Variants in PAK2 observed in about 807,000 individuals in gnomAD.
PAK2 encodes the protein p21 (RAC1) activated kinase 2.
PAK2 carries 21 observed loss-of-function variants against 65.9 expected under a neutral mutation model. The ratio of observed to expected loss-of-function variants is 0.32; its 90% CI spans 0.23 to 0.46. The LOEUF (loss-of-function observed/expected upper bound fraction) is 0.46, where lower values mean the gene tolerates loss of function less well. PAK2 is among the 20% of genes least tolerant of loss of function. The pLI, the probability that PAK2 is intolerant of heterozygous loss-of-function variation, is 1.00. For missense variants in PAK2, 324 were observed against 642.6 expected (o/e 0.50, Z 5.36); for synonymous variants, 204 against 219.7 (o/e 0.93, Z 0.63).
intron 1 of PAK2, among the ~76,000 whole-genome samples, chr3:196,757,472 T>A (rs566898576): frequency 6.6e-6 from 1 of 152,202 alleles, no homozygotes; most frequent in Non-Finnish European, 1.5e-5. Context: ...TGTGAAAATA[T>A]CAAAAGCAGG....
chr3:196,795,285 A>T (rs1452587496), intron 2 of PAK2, among the ~76,000 whole-genome samples: 1 of 135,330 alleles, frequency 7.4e-6, no homozygotes, highest in Non-Finnish European at 1.6e-5. Context: ...GCAAAATCCC[A>T]TCTCTACAAA....
At chr3:196,752,870 G>T (rs1713650885) in intron 1 of PAK2, among the ~76,000 whole-genome samples, 1 of 152,126 alleles carries the variant, frequency 6.6e-6, no homozygotes, top group African/African-American at 2.4e-5. Flanking sequence ...GGTAGTAAAA[G>T]CATGAGCCAC....
intron 2 of PAK2, chr3:196,785,150 A>G (rs1158223964): frequency 1.3e-5 from 2 of 152,184 alleles, no homozygotes; most frequent in African/African-American, 2.4e-5. Context: ...AAACCAATGC[A>G]TTGGTGGGTT....
chr3:196,793,819 A>G (rs961048065), intron 2 of PAK2, among the ~76,000 whole-genome samples: 1 of 152,210 alleles, frequency 6.6e-6, no homozygotes, highest in Non-Finnish European at 1.5e-5. Flanking sequence ...CAATAGAAAG[A>G]AGAGTGGAAG....
At chr3:196,749,812 G>A (rs1713509437) in intron 1 of PAK2, among the ~76,000 whole-genome samples, 1 of 139,386 alleles carries the variant, frequency 7.2e-6, no homozygotes, top group Non-Finnish European at 1.6e-5. Context: ...ATAGGTAGTA[G>A]TGTTTCATTG....
intron 13 of PAK2, among the ~76,000 whole-genome samples, chr3:196,823,168 G>A (rs1378887548): frequency 6.6e-6 from 1 of 152,162 alleles, no homozygotes; most frequent in South Asian, 2.1e-4. Flanking sequence ...CATAATTCAG[G>A]CAAGCAGTGA....
chr3:196,767,575 G>A (rs765505379), intron 1 of PAK2, among the ~76,000 whole-genome samples: 3 of 150,590 alleles, frequency 2.0e-5, no homozygotes, highest in African/African-American at 5.0e-5. Flanking sequence ...TGCAACCTCC[G>A]CCTCCCGGGT....
intron 4 of PAK2, 54 bp downstream of exon 4, chr3:196,803,218 A>T (rs1715475668): frequency 1.5e-6 from 2 of 1,376,550 alleles, no homozygotes; most frequent in Admixed American, 2.3e-5. Context: ...GCACTTCTAG[A>T]TAAAAAGATT....
intron 10 of PAK2, 54 bp downstream of exon 10, chr3:196,812,905 C>A: frequency 1.2e-6 from 1 of 818,590 alleles, no homozygotes; most frequent in East Asian, 2.6e-5. Context: ...TTTTAAGTCT[C>A]ATGGTTTCGG....
intron 1 of PAK2, among the ~76,000 whole-genome samples, chr3:196,751,189 T>G (rs1363345673): frequency 6.6e-6 from 1 of 152,096 alleles, no homozygotes; most frequent in African/African-American, 2.4e-5. Context: ...ATTTTCAGGG[T>G]TTATCCATTT....
At chr3:196,778,172 A>G (rs1316707224) in intron 1 of PAK2, among the ~76,000 whole-genome samples, 2 of 152,004 alleles carry the variant, frequency 1.3e-5, no homozygotes, top group African/African-American at 4.8e-5. Flanking sequence ...GTGGCCTTTT[A>G]TGGCTTTTTT....
At chr3:196,796,700 C>CT (rs1715270250) in intron 2 of PAK2, among the ~76,000 whole-genome samples, 1 of 152,028 alleles carries the variant, frequency 6.6e-6, no homozygotes, top group Non-Finnish European at 1.5e-5. Flanking sequence ...AAGAAATCTA[C>CT]TTTAAAACAT....
At chr3:196,783,481 C>T (rs1210550710) in intron 2 of PAK2, among the ~76,000 whole-genome samples, 1 of 150,914 alleles carries the variant, frequency 6.6e-6, no homozygotes, top group Non-Finnish European at 1.5e-5. Flanking sequence ...ACTTGGGAGG[C>T]TGAGGCAGGA....
At chr3:196,759,504 T>G (rs897244429) in intron 1 of PAK2, among the ~76,000 whole-genome samples, 928 of 13,776 alleles carry the variant, frequency 0.067, 2 homozygotes, top group South Asian at 0.17. Context: ...TTTTGTTTTT[T>G]TTTTTTTTTT....
At chr3:196,790,416 A>G (rs1007216263) in intron 2 of PAK2, among the ~76,000 whole-genome samples, 1 of 152,164 alleles carries the variant, frequency 6.6e-6, no homozygotes, top group African/African-American at 2.4e-5. Flanking sequence ...CTAGGACACT[A>G]GTTAAATTGT....
chr3:196,828,644 T>C lies in PAK2; in HGVS notation c.*239T>C. 4.4e-6 allele frequency: 2 copies of C among 454,538 alleles called. No individual in the cohort carries two copies. Among genetic ancestry groups the C allele is most frequent in the Middle Eastern group, 6.0e-4 (1 of 1,664 alleles). The allele number at this position is 454,538 out of a possible 1,614,324, so 28.2% of individuals were successfully genotyped here. On this transcript the variant is annotated 3_prime_UTR_variant, in exon 15 of 15. Transcript: ENST00000327134. Reference sequence around the variant, plus strand: ...TGTGGACTGAATCACTAGCCTTAGGTCTTTCAGCAAACAGCCTATCAGGGC... The same window carrying C: ...TGTGGACTGAATCACTAGCCTTAGGCCTTTCAGCAAACAGCCTATCAGGGC...
At chr3:196,800,392 A>T (rs185866333) in intron 2 of PAK2, among the ~76,000 whole-genome samples, 84 of 152,184 alleles carry the variant, frequency 5.5e-4, no homozygotes, top group Non-Finnish European at 1.1e-3. Flanking sequence ...AAAAAAGAAA[A>T]AGAAAGAAAG....
intron 4 of PAK2, 64 bp downstream of exon 4, chr3:196,803,228 T>G: frequency 7.8e-7 from 1 of 1,287,208 alleles, no homozygotes; most frequent in Non-Finnish European, 1.1e-6. Flanking sequence ...ATAAAAAGAT[T>G]ACTCCTGGAA....
intron 1 of PAK2, among the ~76,000 whole-genome samples, chr3:196,754,460 C>T (rs565874918): frequency 6.6e-6 from 1 of 152,250 alleles, no homozygotes; most frequent in African/African-American, 2.4e-5. Context: ...ACACAGCTCC[C>T]GGCCTGATTT....
Sources: gnomAD v4.1 joint callset for allele counts (sites outside exome capture counted in the v4.1 genomes callset) on GRCh38, gnomAD v4.1.1 for gene constraint, MANE v1.5 for transcripts, NCBI Gene and HGNC (gene_info 2026-07-23, HGNC 2026-07-21) for gene names.